SLC22A2: variants seen among roughly 807,000 people sequenced by gnomAD.
The protein encoded by SLC22A2 is solute carrier family 22 member 2.
A neutral mutation model predicts 60.5 loss-of-function variants in SLC22A2; 46 were observed. The observed-to-expected ratio is 0.76, with a 90% CI of 0.60 to 0.97. The LOEUF (loss-of-function observed/expected upper bound fraction) is 0.97. Ranked by LOEUF, SLC22A2 falls within the 50% of genes least tolerant of loss-of-function variation. The pLI, the probability that SLC22A2 is intolerant of heterozygous loss-of-function variation, is 0.00. For missense variants in SLC22A2, 701 were observed against 706.6 expected (o/e 0.99, Z 0.09); for synonymous variants, 303 against 267.0 (o/e 1.13, Z -1.31).
chr6:160,252,852 T>C (rs316012), intron 2 of SLC22A2, among the ~76,000 whole-genome samples: 105,422 of 152,218 alleles, frequency 0.69, 38,359 homozygotes, highest in Admixed American at 0.81. Flanking sequence ...TTGTAAATTA[T>C]GGATAATGAA....
At chr6:160,236,575 C>A (rs1307115469) in intron 9 of SLC22A2, among the ~76,000 whole-genome samples, 2 of 152,172 alleles carry the variant, frequency 1.3e-5, no homozygotes, top group African/African-American at 2.4e-5. Flanking sequence ...TCTTTTGCAA[C>A]AGGACACAGT....
At chr6:160,240,504 G>T (rs768697028) in intron 9 of SLC22A2, among the ~76,000 whole-genome samples, 1 of 152,288 alleles carries the variant, frequency 6.6e-6, no homozygotes, top group East Asian at 1.9e-4. Flanking sequence ...GGCCAGCAAA[G>T]AATTTACTTA....
At chr6:160,256,516 G>T in intron 2 of SLC22A2, 98 bp downstream of exon 2, 2 of 792,466 alleles carry the variant, frequency 2.5e-6, no homozygotes, top group Non-Finnish European at 4.4e-6. Context: ...TGGTCTGTGT[G>T]CTTGGGAAAG....
chr6:160,249,344 C>G lies in SLC22A2; in HGVS notation c.714G>C (p.Gly238=). The G allele has an allele frequency of 6.2e-7, 1 of 1,613,610 alleles. No individual in the cohort carries two copies. The highest frequency in any genetic ancestry group is 8.5e-7 in the Non-Finnish European group (1 of 1,179,770). ...CTGTATAGGCAACTTGGTAAAAAAT[C>G]CCCACTGTTCTCCGATATCTCCGCC... ...FVGRRYRRTV[G]IFYQVAYTVG... The change falls in exon 4 of 11, where the codon GGG becomes GGC. Residue 238 remains glycine (G), a synonymous_variant. Transcript: ENST00000366953.
In SLC22A2 at chr6:160,222,597, C is replaced by T. The variant is rs563599108; in HGVS notation, c.1601+2108G>A. ...TAAACAGGATTTAGACTGTCTTTGA[C>T]GGGAGGTGCCCATGTGTGTGGGAAG... On this transcript the variant is annotated intron_variant, in intron 10 of 10. Coordinates refer to ENST00000366953, the MANE Select transcript of SLC22A2 (RefSeq NM_003058.4). Among the ~76,000 whole-genome samples the T allele has an allele frequency of 2.6e-4, 40 of 152,198 alleles. No individual in the cohort carries two copies. The East Asian group carries it at 5.2e-3, about 20-fold the overall frequency.
chr6:160,247,361 T>C (rs1229371888), intron 4 of SLC22A2, 63 bp from the exon 5 acceptor site: 3 of 857,406 alleles, frequency 3.5e-6, no homozygotes, highest in Non-Finnish European at 6.0e-6. Context: ...TCCCCCATTT[T>C]TTTATAATCA....
chr6:160,252,599 C>T (rs1783206463), intron 2 of SLC22A2, among the ~76,000 whole-genome samples: 1 of 152,136 alleles, frequency 6.6e-6, no homozygotes, highest in Admixed American at 6.5e-5. Flanking sequence ...GAAGGGTGGA[C>T]TCCCCATACT....
chr6:160,222,639 G>T (rs1782660416), intron 10 of SLC22A2, among the ~76,000 whole-genome samples: 1 of 152,266 alleles, frequency 6.6e-6, no homozygotes, highest in South Asian at 2.1e-4. Flanking sequence ...GGGGAGAGGG[G>T]TACGGGGTGG....
At chr6:160,256,898 C>A (rs1783282488) in intron 1 of SLC22A2, among the ~76,000 whole-genome samples, 181 bp from the exon 2 acceptor site, 1 of 146,014 alleles carries the variant, frequency 6.8e-6, no homozygotes, top group Middle Eastern at 3.3e-3. Flanking sequence ...TTCTCTCTCT[C>A]TCTCTTTTTT....
At chr6:160,229,248 ACCT>A (rs1371133787) in intron 9 of SLC22A2, among the ~76,000 whole-genome samples, 2 of 150,706 alleles carry the variant, frequency 1.3e-5, no homozygotes, top group Admixed American at 1.3e-4. Context: ...CTATCCCTCA[ACCT>A]CTTTCTTCTT....
chr6:160,225,248 T>C (rs316005), intron 9 of SLC22A2, among the ~76,000 whole-genome samples: 106,980 of 152,092 alleles, frequency 0.7, 39,322 homozygotes, highest in Admixed American at 0.82. Flanking sequence ...CACTAAAAAG[T>C]ATAGCCAGGA....
At chr6:160,226,509 C>A (rs1782727057) in intron 9 of SLC22A2, among the ~76,000 whole-genome samples, 3 of 152,166 alleles carry the variant, frequency 2.0e-5, no homozygotes. Context: ...AAACCATGTT[C>A]AAATAAGGCA....
chr6:160,247,936 T>C (rs970300893), intron 4 of SLC22A2, among the ~76,000 whole-genome samples: 6 of 152,054 alleles, frequency 3.9e-5, no homozygotes, highest in African/African-American at 1.4e-4. Flanking sequence ...CTGTGGCAGT[T>C]ATGGTGTAAA....
intron 3 of SLC22A2, 169 bp downstream of exon 3, chr6:160,250,379 T>C (rs1783162518): frequency 1.6e-6 from 1 of 644,912 alleles, no homozygotes; most frequent in Non-Finnish European, 2.7e-6. Flanking sequence ...TAAGGAGGAA[T>C]GCTGAATGAG....
At chr6:160,225,906 CT>C (rs567802311) in intron 9 of SLC22A2, among the ~76,000 whole-genome samples, 1 of 152,172 alleles carries the variant, frequency 6.6e-6, no homozygotes, top group Admixed American at 6.5e-5. Flanking sequence ...GCTGAACTAA[CT>C]TTGGGAGAAA....
In SLC22A2 at chr6:160,224,805, C is replaced by A; in HGVS notation, c.1502-1G>T. 6.4e-7 allele frequency: 1 copy of A among 1,556,196 alleles called. No individual in the cohort carries two copies. The highest frequency in any genetic ancestry group is 8.8e-7 in the Non-Finnish European group (1 of 1,140,948). ...CCTCCAGCAACCAAGCCAAGCACGC[C>A]TGAAAGCCAAACAGATGAATATCAC... On this transcript the variant is annotated splice_acceptor_variant, in intron 9 of 10. Transcript: ENST00000366953. LOFTEE classifies it high-confidence loss of function.
chr6:160,241,049 G>A (rs1485239347), intron 9 of SLC22A2, among the ~76,000 whole-genome samples: 3 of 35,450 alleles, frequency 8.5e-5, no homozygotes, highest in Non-Finnish European at 1.4e-4. Context: ...GAAGTAAGAA[G>A]TAAAAGGGCT....
At position 160,216,819 on chromosome 6, in the gene SLC22A2, T is replaced by A. The variant is rs1025264709; in HGVS notation, c.*613A>T. Reference sequence around the variant, plus strand: ...AAGGTCTTTTGTAGAAAATACACATTCATGCTTACCCAATCTAAATATGGA... The same window carrying A: ...AAGGTCTTTTGTAGAAAATACACATACATGCTTACCCAATCTAAATATGGA... On this transcript the variant is annotated 3_prime_UTR_variant, in exon 11 of 11. Transcript: ENST00000366953. The A allele has an allele frequency of 3.3e-5, 5 of 152,124 alleles. No individual in the cohort carries two copies. Among genetic ancestry groups the A allele is most frequent in the African/African-American group, 1.2e-4 (5 of 41,372 alleles). The allele number at this position is 152,124 out of a possible 1,614,324, so 9.4% of individuals were successfully genotyped here.
Position 160,258,789 on chromosome 6 carries a change from C to A in SLC22A2, c.-32G>T. 6.6e-7 allele frequency: 1 copy of A among 1,511,094 alleles called. No homozygotes were observed. Among genetic ancestry groups the A allele is most frequent in the East Asian group, 2.3e-5 (1 of 43,412 alleles). 93.6% of individuals were successfully genotyped at this position (1,511,094 alleles called of 1,614,324 possible). ...GCAGGCAGGAGGGCCCGAGGCTGCC[C>A]GACGTGCCCGGAGCGAGGCTGAGAG... On this transcript the variant is annotated 5_prime_UTR_variant, in exon 1 of 11. Transcript: ENST00000366953.
Sources: allele counts gnomAD v4.1 joint callset (sites outside exome capture counted in the v4.1 genomes callset), GRCh38; gene constraint gnomAD v4.1.1; transcripts MANE v1.5; gene names NCBI Gene and HGNC (gene_info 2026-07-23, HGNC 2026-07-21).